The following LMO1 variants were observed in gnomAD, a reference collection of about 807,000 sequenced individuals.
The protein encoded by LMO1 is LIM domain only 1.
Under a neutral mutation model 18.0 loss-of-function variants are expected in LMO1, and 10 were observed. The observed-to-expected ratio is 0.55, with a 90% CI of 0.34 to 0.94. The LOEUF is 0.94. Among genes scored for constraint, LMO1 ranks in the 40% least tolerant of loss-of-function variants. LMO1 has a pLI of 0.02. For synonymous variants in LMO1, 77 were observed against 77.9 expected (o/e 0.99, Z 0.06); for missense variants, 183 against 205.7 (o/e 0.89, Z 0.68).
intron 1 of LMO1, among the ~76,000 whole-genome samples, chr11:8,252,884 T>C (rs957190426): frequency 5.2e-5 from 8 of 152,394 alleles, no homozygotes; most frequent in Middle Eastern, 3.4e-3. Flanking sequence ...GTATTGTTTC[T>C]AGCTGCTAAT....
In LMO1 at chr11:8,263,126, A is replaced by G. The variant is rs1300215420; in HGVS notation, c.25+212T>C. Among the ~76,000 whole-genome samples the G allele has an allele frequency of 5.3e-5, 8 of 150,988 alleles. No individual in the cohort carries two copies. In the East Asian group the frequency reaches 1.6e-3, roughly 30 times the overall value. ...GGGGCGTGCGGCCCCGGGCGCGTGC[A>G]GCCCGGGGCTCGACCTCCTCCCCCC... On this transcript the variant is annotated intron_variant, in intron 1 of 3. Transcript: ENST00000335790.
intron 1 of LMO1, among the ~76,000 whole-genome samples, chr11:8,254,235 T>G (rs1433928086): frequency 6.6e-6 from 1 of 152,174 alleles, no homozygotes; most frequent in Non-Finnish European, 1.5e-5. Context: ...AATATAACAC[T>G]GCTCCACGCC....
intron 2 of LMO1, among the ~76,000 whole-genome samples, chr11:8,227,530 C>A (rs1342224716): frequency 6.6e-6 from 1 of 152,240 alleles, no homozygotes; most frequent in African/African-American, 2.4e-5. Flanking sequence ...TAAAACAAAG[C>A]CTGAAACACA....
chr11:8,251,850 CGT>C (rs368378788), intron 1 of LMO1, among the ~76,000 whole-genome samples: 63 of 118,732 alleles, frequency 5.3e-4, no homozygotes, highest in Middle Eastern at 4.3e-3. Flanking sequence ...GGTGGGTGTG[CGT>C]GTGTGTGTGA....
chr11:8,242,671 G>A (rs185348345), intron 1 of LMO1, among the ~76,000 whole-genome samples: 65 of 152,258 alleles, frequency 4.3e-4, no homozygotes, highest in South Asian at 6.2e-4. Flanking sequence ...TTCCCCTGAC[G>A]GCAACTCAGC....
chr11:8,259,669 C>T (rs1351234765), intron 1 of LMO1, among the ~76,000 whole-genome samples: 4 of 152,120 alleles, frequency 2.6e-5, no homozygotes, highest in African/African-American at 9.7e-5. Context: ...AGGGTTGGGA[C>T]GGTCATGAGC....
At chr11:8,233,586 G>A (rs1280165413) in intron 1 of LMO1, among the ~76,000 whole-genome samples, 2 of 152,104 alleles carry the variant, frequency 1.3e-5, no homozygotes, top group African/African-American at 4.8e-5. Context: ...AACACTCCTG[G>A]AAAGGTGGAG....
At chr11:8,231,510 C>T (rs1952661526) in intron 1 of LMO1, among the ~76,000 whole-genome samples, 3 of 152,180 alleles carry the variant, frequency 2.0e-5, no homozygotes, top group African/African-American at 4.8e-5. Flanking sequence ...CATGTGGACC[C>T]GTGAGGCTGG....
intron 1 of LMO1, among the ~76,000 whole-genome samples, chr11:8,257,959 T>C (rs1213179520): frequency 6.6e-6 from 1 of 152,244 alleles, no homozygotes; most frequent in Non-Finnish European, 1.5e-5. Flanking sequence ...AATGTGTACA[T>C]GGACAGTACC....
At chr11:8,252,601 C>A (rs981815886) in intron 1 of LMO1, among the ~76,000 whole-genome samples, 4 of 152,264 alleles carry the variant, frequency 2.6e-5, no homozygotes, top group Non-Finnish European at 5.9e-5. Flanking sequence ...CAGACACTGT[C>A]TTTCAATGGC....
intron 1 of LMO1, 123 bp downstream of exon 1, chr11:8,263,215 G>A: frequency 8.0e-6 from 7 of 879,906 alleles, no homozygotes; most frequent in Middle Eastern, 3.9e-4. Context: ...CCAGCGCGCC[G>A]CCCGCCCCGC....
chr11:8,245,444 T>G (rs149812154), intron 1 of LMO1, among the ~76,000 whole-genome samples: 1 of 152,244 alleles, frequency 6.6e-6, no homozygotes, highest in East Asian at 1.9e-4. Context: ...AGAATGAAAG[T>G]ACCTAAAGCA....
chr11:8,231,170 G>T, intron 1 of LMO1, among the ~76,000 whole-genome samples: 1 of 152,306 alleles, frequency 6.6e-6, no homozygotes, highest in Admixed American at 6.5e-5. Context: ...CCCTGGCCTG[G>T]GGGAGGGCAG....
At chr11:8,224,986 C>A (rs1285559413) in intron 3 of LMO1, among the ~76,000 whole-genome samples, 2 of 152,094 alleles carry the variant, frequency 1.3e-5, no homozygotes, top group African/African-American at 4.8e-5. Flanking sequence ...CTTCCATAGT[C>A]AGGTCTCCTG....
At chr11:8,261,189 T>C (rs1847180759) in intron 1 of LMO1, among the ~76,000 whole-genome samples, 1 of 152,126 alleles carries the variant, frequency 6.6e-6, no homozygotes, top group African/African-American at 2.4e-5. Context: ...TGTGCTGTAA[T>C]GGACCCCAGA....
chr11:8,243,263 C>T (rs988772655), intron 1 of LMO1, among the ~76,000 whole-genome samples: 10 of 152,198 alleles, frequency 6.6e-5, no homozygotes, highest in African/African-American at 2.4e-4. Flanking sequence ...GCAAGGCCCA[C>T]GTGAGCCAGA....
intron 3 of LMO1, among the ~76,000 whole-genome samples, chr11:8,226,159 G>C (rs985390595): frequency 6.6e-6 from 1 of 152,090 alleles, no homozygotes; most frequent in East Asian, 1.9e-4. Context: ...CACTGGGTAC[G>C]GGGGTGGGAG....
intron 1 of LMO1, among the ~76,000 whole-genome samples, chr11:8,251,689 G>C (rs58087592): frequency 1.3e-5 from 2 of 152,046 alleles, no homozygotes; most frequent in African/African-American, 4.8e-5. Context: ...GAGAGAGAGA[G>C]TGCATGTGTC....
chr11:8,263,542 A>G lies in LMO1; in HGVS notation c.-180T>C. 2 of 1,368,012 alleles carry G rather than the reference A, an allele frequency of 1.5e-6. No homozygotes were observed. Among genetic ancestry groups the G allele is most frequent in the South Asian group, 3.5e-5 (2 of 57,918 alleles). 84.7% of individuals were successfully genotyped at this position (1,368,012 alleles called of 1,614,324 possible). A position where few individuals can be genotyped will look rare whatever the true frequency, so the allele number is the denominator to read the frequency against. On this transcript the variant is annotated 5_prime_UTR_variant, in exon 1 of 4. Transcript: ENST00000335790. Reference sequence around the variant, plus strand: ...TACATTCAGGAGTGAAGCACTTCGCAGATACAAAAGCAGTCTCACCTACTT... The same window carrying G: ...TACATTCAGGAGTGAAGCACTTCGCGGATACAAAAGCAGTCTCACCTACTT...
Sources: allele counts gnomAD v4.1 joint callset (sites outside exome capture counted in the v4.1 genomes callset), GRCh38; gene constraint gnomAD v4.1.1; transcripts MANE v1.5; gene names NCBI Gene and HGNC (gene_info 2026-07-23, HGNC 2026-07-21).